GRIA4: variants seen among roughly 807,000 people sequenced by gnomAD.
GRIA4 encodes glutamate receptor 4.
In GRIA4, 34 loss-of-function variants were observed where a neutral mutation model predicts 104.0. That is an observed-to-expected ratio of 0.33 (90% confidence interval 0.25 to 0.44). The LOEUF (loss-of-function observed/expected upper bound fraction) is 0.44, where lower values mean the gene tolerates loss of function less well. Ranked by LOEUF, GRIA4 falls within the 20% of genes least tolerant of loss-of-function variation. GRIA4 has a pLI of 1.00. For missense variants in GRIA4, 750 were observed against 1,096.5 expected, an observed-to-expected ratio of 0.68 and a Z score of 4.46; for synonymous variants, 386 against 381.9, an observed-to-expected ratio of 1.01 and a Z score of -0.13.
intron 5 of GRIA4, among the ~76,000 whole-genome samples, chr11:105,883,013 A>C (rs75917158): frequency 3.7e-4 from 57 of 152,298 alleles, no homozygotes; most frequent in African/African-American, 1.3e-3. Context: ...TGATTGCCTG[A>C]TTATAGAATT....
chr11:105,747,299 A>G (rs1226420944), intron 3 of GRIA4, among the ~76,000 whole-genome samples: 1 of 152,226 alleles, frequency 6.6e-6, no homozygotes, highest in Non-Finnish European at 1.5e-5. Context: ...ATTAGTTCAC[A>G]ATTCAAAATT....
intron 4 of GRIA4, among the ~76,000 whole-genome samples, chr11:105,772,375 A>G (rs1341131564): frequency 1.3e-5 from 2 of 152,136 alleles, no homozygotes; most frequent in Admixed American, 6.6e-5. Context: ...TTGCTCACCA[A>G]TTCAGACAGA....
chr11:105,832,438 T>G (rs1288923190), intron 4 of GRIA4, among the ~76,000 whole-genome samples: 1 of 151,736 alleles, frequency 6.6e-6, no homozygotes, highest in Non-Finnish European at 1.5e-5. Flanking sequence ...ATGATAAGTT[T>G]GCCTTGTGTA....
intron 4 of GRIA4, among the ~76,000 whole-genome samples, chr11:105,754,013 T>C (rs1188035054): frequency 6.6e-6 from 1 of 152,130 alleles, no homozygotes. Flanking sequence ...GTAGGCATAA[T>C]TGATTACATC....
chr11:105,876,733 C>T (rs1945838418), intron 5 of GRIA4, among the ~76,000 whole-genome samples: 1 of 152,142 alleles, frequency 6.6e-6, no homozygotes, highest in Admixed American at 6.5e-5. Flanking sequence ...ACTAGGATTG[C>T]AACCCCTGCT....
rs1302646314 is a variant in GRIA4, at chr11:105,948,873, G to A, written c.2294+14904G>A. 5.3e-5 allele frequency among the ~76,000 whole-genome samples: 8 copies of A among 152,136 alleles called. No homozygotes were observed. In the East Asian group the frequency reaches 5.8e-4, roughly 11 times the overall value. On this transcript the variant is annotated intron_variant, in intron 14 of 16. Coordinates refer to ENST00000282499, the MANE Select transcript of GRIA4 (RefSeq NM_000829.4). ...CCGTAAGTGCTGAGATGACAGGCATGAGCCACCACGCCTGGCCAACAGAAT... is the reference window on the plus strand; with the variant it reads ...CCGTAAGTGCTGAGATGACAGGCATAAGCCACCACGCCTGGCCAACAGAAT...
chr11:105,843,986 T>G (rs759532709), intron 4 of GRIA4, among the ~76,000 whole-genome samples: 2 of 152,196 alleles, frequency 1.3e-5, no homozygotes, highest in Non-Finnish European at 2.9e-5. Context: ...TATTTATCTC[T>G]GTTTTCTAAG....
chr11:105,674,170 C>T (rs1384289434), intron 3 of GRIA4, among the ~76,000 whole-genome samples: 2 of 151,912 alleles, frequency 1.3e-5, no homozygotes, highest in East Asian at 1.9e-4. Context: ...AATAGTGAAA[C>T]ATTCTACCGA....
At chr11:105,747,698 G>C (rs959182901) in intron 3 of GRIA4, among the ~76,000 whole-genome samples, 2 of 152,006 alleles carry the variant, frequency 1.3e-5, no homozygotes, top group Non-Finnish European at 2.9e-5. Flanking sequence ...ATAAACTTGT[G>C]GAGAGAAATT....
At chr11:105,671,013 A>ATC (rs916916674) in intron 3 of GRIA4, among the ~76,000 whole-genome samples, 7 of 151,980 alleles carry the variant, frequency 4.6e-5, no homozygotes, top group African/African-American at 1.7e-4. Flanking sequence ...ACAACATTGC[A>ATC]TCTCTCTCTG....
intron 5 of GRIA4, among the ~76,000 whole-genome samples, chr11:105,877,098 A>T (rs1051280993): frequency 1.3e-5 from 2 of 152,146 alleles, no homozygotes; most frequent in Non-Finnish European, 2.9e-5. Context: ...CTTGTAAGGC[A>T]GGCCTGGTGG....
chr11:105,640,549 A>T (rs892371007), intron 3 of GRIA4, among the ~76,000 whole-genome samples: 1 of 151,940 alleles, frequency 6.6e-6, no homozygotes, highest in Non-Finnish European at 1.5e-5. Flanking sequence ...ATATTATTCA[A>T]AAATACTCTT....
chr11:105,794,469 G>GTGTATATATATA (rs1427661928), intron 4 of GRIA4, among the ~76,000 whole-genome samples: 5 of 40,776 alleles, frequency 1.2e-4, no homozygotes, highest in Admixed American at 3.1e-4. Flanking sequence ...GTGTGTATAT[G>GTGTATATATATA]TATGTATATA....
rs1382110366 is a variant in GRIA4, at chr11:105,612,313, T to G, written c.126T>G (p.Thr42=). The change falls in exon 3 of 17, where the codon ACT becomes ACG. Residue 42 remains threonine (T), a synonymous_variant. Transcript: ENST00000282499. Reference sequence around the variant, plus strand: ...TCCGAAACACAGATCAGGAATACACTGCTTTTCGATTAGCAATTTTTCTTC... The same window carrying G: ...TCCGAAACACAGATCAGGAATACACGGCTTTTCGATTAGCAATTTTTCTTC... ...LFIRNTDQEY[T]AFRLAIFLHN... 6.2e-7 allele frequency: 1 copy of G among 1,614,182 alleles called. No individual in the cohort carries two copies. The highest frequency in any genetic ancestry group is 1.3e-5 in the African/African-American group (1 of 75,064).
intron 5 of GRIA4, among the ~76,000 whole-genome samples, chr11:105,885,435 A>C (rs1226419320): frequency 3.9e-5 from 6 of 152,222 alleles, no homozygotes; most frequent in Admixed American, 3.9e-4. Flanking sequence ...ACATGGAGGA[A>C]GGTTATGTAA....
At chr11:105,916,474 C>T (rs1420554811) in intron 10 of GRIA4, among the ~76,000 whole-genome samples, 1 of 152,092 alleles carries the variant, frequency 6.6e-6, no homozygotes, top group Non-Finnish European at 1.5e-5. Context: ...ACTCCTTTGC[C>T]ATTATTACAA....
intron 4 of GRIA4, among the ~76,000 whole-genome samples, chr11:105,841,645 A>G (rs772358553): frequency 7.9e-5 from 12 of 152,194 alleles, no homozygotes; most frequent in Non-Finnish European, 1.6e-4. Flanking sequence ...TGGTGGTTAT[A>G]GGTTTTGTAC....
chr11:105,653,914 T>TAGCA (rs1565437522), intron 3 of GRIA4, among the ~76,000 whole-genome samples: 1 of 145,804 alleles, frequency 6.9e-6, no homozygotes, highest in Non-Finnish European at 1.5e-5. Context: ...AATTAGTTTG[T>TAGCA]GGGGGAAAAT....
At chr11:105,880,530 T>C (rs1183763960) in intron 5 of GRIA4, among the ~76,000 whole-genome samples, 2 of 152,098 alleles carry the variant, frequency 1.3e-5, no homozygotes, top group African/African-American at 2.4e-5. Context: ...ATCAATAAAA[T>C]TGGGGAGAGA....
Sources: gnomAD v4.1 joint callset for allele counts (sites outside exome capture counted in the v4.1 genomes callset) on GRCh38, gnomAD v4.1.1 for gene constraint, MANE v1.5 for transcripts, NCBI Gene and HGNC (gene_info 2026-07-23, HGNC 2026-07-21) for gene names.